The following RAB7B variants were observed in gnomAD, a reference collection of about 807,000 sequenced individuals.
RAB7B encodes the protein RAB7B, member RAS oncogene family.
intron 1 of RAB7B, among the ~76,000 whole-genome samples, chr1:205,998,363 C>G (rs1660840686): frequency 6.6e-6 from 1 of 152,104 alleles, no homozygotes; most frequent in African/African-American, 2.4e-5. Flanking sequence ...CTCAAACAAA[C>G]AAATAAACAA....
chr1:205,997,826 A>G (rs1660828436), intron 1 of RAB7B, among the ~76,000 whole-genome samples: 1 of 152,236 alleles, frequency 6.6e-6, no homozygotes, highest in Non-Finnish European at 1.5e-5. Flanking sequence ...AGCTTTAAAA[A>G]GCAACACAAT....
chr1:205,980,245 G>A (rs976134702), intron 5 of RAB7B, among the ~76,000 whole-genome samples: 1 of 152,348 alleles, frequency 6.6e-6, no homozygotes, highest in African/African-American at 2.4e-5. Context: ...GCACCATCTG[G>A]GGTAGGTGTG....
At chr1:205,998,695 G>A (rs943019502) in intron 1 of RAB7B, among the ~76,000 whole-genome samples, 2 of 152,196 alleles carry the variant, frequency 1.3e-5, no homozygotes, top group Non-Finnish European at 2.9e-5. Context: ...TACGTCTCAC[G>A]TTACAAGCTA....
intron 1 of RAB7B, among the ~76,000 whole-genome samples, chr1:206,002,240 C>T (rs999133656): frequency 6.6e-6 from 1 of 152,222 alleles, no homozygotes; most frequent in African/African-American, 2.4e-5. Context: ...CCACCTCAAC[C>T]CTAGCAGGTC....
chr1:205,979,195 A>T (rs1168603189), intron 5 of RAB7B, among the ~76,000 whole-genome samples: 1 of 151,950 alleles, frequency 6.6e-6, no homozygotes, highest in Non-Finnish European at 1.5e-5. Context: ...ATGTCCTATA[A>T]CTTTCCATTC....
rs1380870079 is a variant in RAB7B at position 205,981,715 on chromosome 1, C to T, written c.523-2787G>A. 3.9e-3 allele frequency among the ~76,000 whole-genome samples: 172 copies of T among 44,344 alleles called. 20 individuals are homozygous for T. The highest frequency in any genetic ancestry group is 0.027 in the Middle Eastern group (2 of 74). 29.1% of individuals were successfully genotyped at this position (44,344 alleles called of 152,430 possible). ...TTAACTGAACACCTACTGTGATTTCCTTCACAATGTTAACTGAACACCTAC... is the reference window on the plus strand; with the variant it reads ...TTAACTGAACACCTACTGTGATTTCTTTCACAATGTTAACTGAACACCTAC... On this transcript the variant is annotated intron_variant, in intron 5 of 5. Coordinates refer to ENST00000617070, the MANE Select transcript of RAB7B (RefSeq NM_001164522.3).
intron 1 of RAB7B, among the ~76,000 whole-genome samples, chr1:205,995,341 A>G (rs931163829): frequency 6.6e-6 from 1 of 152,222 alleles, no homozygotes; most frequent in African/African-American, 2.4e-5. Flanking sequence ...ACTTGTATAG[A>G]AAAACGCCTG....
Position 205,976,747 on chromosome 1 carries a change from AAAG to A in RAB7B, c.*2101_*2103del, listed in dbSNP as rs1397588686. 5 of 152,346 alleles carry A rather than the reference AAAG, an allele frequency of 3.3e-5. No homozygotes were observed. The highest frequency in any genetic ancestry group is 2.1e-4 in the South Asian group (1 of 4,828). The allele number at this position is 152,346 out of a possible 1,614,324, so 9.4% of individuals were successfully genotyped here. On this transcript the variant is annotated 3_prime_UTR_variant, in exon 6 of 6. Coordinates refer to ENST00000617070, the MANE Select transcript of RAB7B (RefSeq NM_001164522.3). ...TCTAAGTCGCACAAAAGATAAAAAC[AAAG>A]AAGGACACATTTATTATTTGTTGTG...
At chr1:205,999,519 G>C (rs1660857743) in intron 1 of RAB7B, among the ~76,000 whole-genome samples, 2 of 152,182 alleles carry the variant, frequency 1.3e-5, no homozygotes, top group African/African-American at 4.8e-5. Context: ...ATATATTGTT[G>C]ATAGAGTATG....
At chr1:205,981,430 G>T (rs1228869638) in intron 5 of RAB7B, among the ~76,000 whole-genome samples, 2 of 151,712 alleles carry the variant, frequency 1.3e-5, no homozygotes, top group African/African-American at 2.4e-5. Flanking sequence ...ACCTACTCTG[G>T]TCTCTTTCAG....
chr1:205,985,530 A>G lies in RAB7B; in HGVS notation c.522+10T>C, dbSNP rs1660575961. On this transcript the variant is annotated intron_variant, in intron 5 of 5. Coordinates refer to ENST00000617070, the MANE Select transcript of RAB7B (RefSeq NM_001164522.3). ...CGGTCTCAGCAGGTCCTGCCGCCAC[A>G]GCCACTCACCCTCGACAGAGCCCTA... 1 of 398,708 alleles carries G rather than the reference A, an allele frequency of 2.5e-6. No individual in the cohort carries two copies. The highest frequency in any genetic ancestry group is 2.1e-5 in the African/African-American group (1 of 48,574). The allele number at this position is 398,708 out of a possible 1,614,324, so 24.7% of individuals were successfully genotyped here.
chr1:205,988,020 C>T (rs1660644047), intron 4 of RAB7B, among the ~76,000 whole-genome samples: 1 of 152,086 alleles, frequency 6.6e-6, no homozygotes, highest in Non-Finnish European at 1.5e-5. Flanking sequence ...GCTGGGATTA[C>T]AGATAAAATG....
At chr1:205,997,607 T>C (rs1374388245) in intron 1 of RAB7B, among the ~76,000 whole-genome samples, 1 of 53,388 alleles carries the variant, frequency 1.9e-5, no homozygotes, top group South Asian at 1.3e-3. Context: ...ACATTTCCTA[T>C]ATTCCAACAA....
intron 1 of RAB7B, among the ~76,000 whole-genome samples, chr1:205,997,388 T>A (rs1660823978): frequency 6.6e-6 from 1 of 151,998 alleles, no homozygotes; most frequent in African/African-American, 2.4e-5. Context: ...CCTGAAGAAA[T>A]GAAGCATGTG....
chr1:205,985,577 T>C lies in RAB7B; in HGVS notation c.485A>G (p.Gln162Arg), dbSNP rs965792654. The part of the protein sequence containing the change: ...VSAKNDINVV[Q>R]AFEMLASRAL... ...CCTACTGGCCAGCATCTCAAACGCT[T>C]GCACCACATTGATGTCATTCTTGGC... Residue 162 changes from glutamine to arginine, a missense_variant, in exon 5 of 6, where the codon CAA becomes CGA. Transcript: ENST00000617070. The C allele has an allele frequency of 7.5e-6, 3 of 399,024 alleles. No homozygotes were observed. Among genetic ancestry groups the C allele is most frequent in the Non-Finnish European group, 8.8e-6 (2 of 226,292 alleles). The allele number at this position is 399,024 out of a possible 1,614,324, so 24.7% of individuals were successfully genotyped here.
At chr1:205,994,620 A>G (rs1660779263) in intron 1 of RAB7B, among the ~76,000 whole-genome samples, 1 of 152,226 alleles carries the variant, frequency 6.6e-6, no homozygotes, top group Admixed American at 6.5e-5. Context: ...CTGCAACTGC[A>G]GAATCAAAAG....
At chr1:205,990,092 CGCA>C (rs1462329898) in intron 4 of RAB7B, among the ~76,000 whole-genome samples, 3 of 152,148 alleles carry the variant, frequency 2.0e-5, no homozygotes, top group African/African-American at 7.2e-5. Context: ...TTGGCAGAGG[CGCA>C]ACAACTGGAC....
intron 2 of RAB7B, 118 bp downstream of exon 2, chr1:205,993,965 G>T: frequency 2.5e-6 from 1 of 397,416 alleles, no homozygotes; most frequent in East Asian, 3.6e-5. Flanking sequence ...ATGGGATACA[G>T]TTGCTGGTGT....
At chr1:205,982,095 G>C (rs1381756453) in intron 5 of RAB7B, among the ~76,000 whole-genome samples, 1 of 152,200 alleles carries the variant, frequency 6.6e-6, no homozygotes, top group African/African-American at 2.4e-5. Context: ...TTTACTACAA[G>C]GCTCACTTGC....
Sources: gnomAD v4.1 joint callset for allele counts (sites outside exome capture counted in the v4.1 genomes callset) on GRCh38, gnomAD v4.1.1 for gene constraint, MANE v1.5 for transcripts, NCBI Gene and HGNC (gene_info 2026-07-23, HGNC 2026-07-21) for gene names.